Variants in SPAG9 observed in about 807,000 individuals in gnomAD.
SPAG9 encodes the protein sperm associated antigen 9, also known as C-Jun-amino-terminal kinase-interacting protein 4.
Under a neutral mutation model 166.5 loss-of-function variants are expected in SPAG9, and 35 were observed. The observed-to-expected ratio is 0.21, with a 90% CI of 0.16 to 0.28. The LOEUF is 0.28. Ranked by LOEUF, SPAG9 falls within the 10% of genes least tolerant of loss-of-function variation. The pLI is 1.00. For synonymous variants in SPAG9, 534 were observed against 565.5 expected, an observed-to-expected ratio of 0.94 and a Z score of 0.79; for missense variants, 1,235 against 1,603.3, an observed-to-expected ratio of 0.77 and a Z score of 3.92.
intron 15 of SPAG9, 145 bp downstream of exon 15, chr17:50,998,299 G>T: frequency 1.5e-6 from 1 of 651,804 alleles, no homozygotes; most frequent in Non-Finnish European, 2.5e-6. Context: ...CAAAGTGCTG[G>T]GATTACAGGT....
chr17:50,985,682 C>T lies in SPAG9; in HGVS notation c.3020+16G>A, dbSNP rs201154471. On this transcript the variant is annotated intron_variant, in intron 23 of 29. Coordinates refer to ENST00000262013, the MANE Select transcript of SPAG9 (RefSeq NM_001130528.3). ...TGCATAGTTTTAACAAGAAGAATTT[C>T]CAAAATAAAACTTACACAATACTGA... The T allele has an allele frequency of 3.4e-6, 5 of 1,485,890 alleles. No individual in the cohort carries two copies. In the African/African-American group the frequency reaches 5.6e-5, roughly 17 times the overall value. The allele number at this position is 1,485,890 out of a possible 1,614,324, so 92.0% of individuals were successfully genotyped here.
intron 15 of SPAG9, 34 bp downstream of exon 15, chr17:50,998,410 T>C: frequency 6.3e-7 from 1 of 1,576,774 alleles, no homozygotes; most frequent in Non-Finnish European, 8.7e-7. Context: ...CTAACTTAAT[T>C]TAGAATATAA....
At chr17:51,088,753 G>A (rs568350251) in intron 1 of SPAG9, among the ~76,000 whole-genome samples, 8 of 151,804 alleles carry the variant, frequency 5.3e-5, no homozygotes, top group African/African-American at 1.7e-4. Flanking sequence ...AGCCGAGATC[G>A]TGCCACTGCA....
intron 1 of SPAG9, chr17:51,085,302 A>G (rs1266165216): frequency 6.6e-6 from 1 of 152,246 alleles, no homozygotes; most frequent in Non-Finnish European, 1.5e-5. Flanking sequence ...AATAGGAGAC[A>G]CCTAATAAGG....
chr17:51,066,333 T>C (rs917019259), intron 2 of SPAG9, among the ~76,000 whole-genome samples: 1 of 151,770 alleles, frequency 6.6e-6, no homozygotes, highest in Non-Finnish European at 1.5e-5. Flanking sequence ...CTGGTCTCGA[T>C]CTCCTGGTCT....
At chr17:51,004,153 T>G (rs923777267) in intron 12 of SPAG9, among the ~76,000 whole-genome samples, 1 of 152,208 alleles carries the variant, frequency 6.6e-6, no homozygotes, top group Non-Finnish European at 1.5e-5. Context: ...TGTGATATGA[T>G]AAAATTTTTT....
chr17:51,075,977 C>G (rs971255476), intron 2 of SPAG9, among the ~76,000 whole-genome samples: 1 of 151,760 alleles, frequency 6.6e-6, no homozygotes, highest in Non-Finnish European at 1.5e-5. Flanking sequence ...CACCTGTAAT[C>G]CCAGCTACTA....
At chr17:51,004,583 C>CA (rs1241676442) in intron 12 of SPAG9, among the ~76,000 whole-genome samples, 3 of 152,040 alleles carry the variant, frequency 2.0e-5, no homozygotes, top group African/African-American at 7.2e-5. Context: ...ACTAAGAATA[C>CA]AAAAAATTAG....
intron 1 of SPAG9, among the ~76,000 whole-genome samples, chr17:51,112,762 G>A (rs916011735): frequency 2.7e-5 from 4 of 150,442 alleles, no homozygotes; most frequent in Non-Finnish European, 4.4e-5. Context: ...ACCAGACTGG[G>A]CAACATAGTG....
intron 1 of SPAG9, among the ~76,000 whole-genome samples, chr17:51,103,586 A>G (rs2048862936): frequency 6.6e-6 from 1 of 152,196 alleles, no homozygotes; most frequent in Non-Finnish European, 1.5e-5. Context: ...CAGCCAGATC[A>G]CAAGGTCTTG....
chr17:51,093,972 A>G (rs1044085134), intron 1 of SPAG9, among the ~76,000 whole-genome samples: 14 of 152,194 alleles, frequency 9.2e-5, no homozygotes, highest in Non-Finnish European at 5.9e-5. Flanking sequence ...ACAGCCAGGC[A>G]GGTGCCAAAT....
chr17:51,026,316 A>AAG (rs2046166347), intron 6 of SPAG9, among the ~76,000 whole-genome samples: 2 of 150,746 alleles, frequency 1.3e-5, no homozygotes, highest in African/African-American at 4.9e-5. Context: ...ATGGGGTGAA[A>AAG]AGAGAAAAAA....
chr17:51,015,009 G>C (rs2045639260), intron 8 of SPAG9, among the ~76,000 whole-genome samples: 1 of 151,954 alleles, frequency 6.6e-6, no homozygotes. Flanking sequence ...ATATGGTGGA[G>C]AGAACATAGT....
chr17:51,080,486 G>A (rs764194851), intron 1 of SPAG9, among the ~76,000 whole-genome samples: 1 of 151,962 alleles, frequency 6.6e-6, no homozygotes, highest in Non-Finnish European at 1.5e-5. Context: ...CGTTAAGTAC[G>A]AACTATATGC....
intron 12 of SPAG9, among the ~76,000 whole-genome samples, chr17:51,002,728 A>C (rs576801232): frequency 6.7e-4 from 102 of 152,084 alleles, no homozygotes; most frequent in African/African-American, 2.4e-3. Flanking sequence ...CTGCAGTCCA[A>C]CCTGGGCAAG....
At chr17:51,092,905 G>A (rs1029294577) in intron 1 of SPAG9, among the ~76,000 whole-genome samples, 2 of 151,734 alleles carry the variant, frequency 1.3e-5, no homozygotes, top group African/African-American at 2.4e-5. Flanking sequence ...ACCACTGCAC[G>A]CCTGCCTGGG....
At chr17:51,010,228 T>C (rs1008263004) in intron 9 of SPAG9, among the ~76,000 whole-genome samples, 6 of 152,156 alleles carry the variant, frequency 3.9e-5, no homozygotes, top group African/African-American at 1.2e-4. Flanking sequence ...CAAAGGTACA[T>C]TGCTCTCTTA....
At chr17:51,081,830 C>A (rs970830256) in intron 1 of SPAG9, among the ~76,000 whole-genome samples, 7 of 152,180 alleles carry the variant, frequency 4.6e-5, no homozygotes, top group Non-Finnish European at 7.3e-5. Flanking sequence ...AGGATCTACA[C>A]AACATGCTTC....
At chr17:51,090,672 T>C (rs1478483689) in intron 1 of SPAG9, among the ~76,000 whole-genome samples, 1 of 152,152 alleles carries the variant, frequency 6.6e-6, no homozygotes, top group Non-Finnish European at 1.5e-5. Flanking sequence ...TAATTACATT[T>C]TATAAAAAAG....
Sources: allele counts gnomAD v4.1 joint callset (sites outside exome capture counted in the v4.1 genomes callset), GRCh38; gene constraint gnomAD v4.1.1; transcripts MANE v1.5; gene names NCBI Gene and HGNC (gene_info 2026-07-23, HGNC 2026-07-21).